The following GPC6 variants were observed in gnomAD, a reference collection of about 807,000 sequenced individuals.
GPC6 encodes the protein glypican-6.
A neutral mutation model predicts 55.2 loss-of-function variants in GPC6; 14 were observed. That is an observed-to-expected ratio of 0.25 (90% CI 0.17 to 0.40). GPC6 has a LOEUF of 0.40. GPC6 is among the 10% of genes least tolerant of loss of function. GPC6 has a pLI of 1.00. For synonymous variants in GPC6, 278 were observed against 259.6 expected (o/e 1.07, Z -0.68); for missense variants, 641 against 708.5 (o/e 0.90, Z 1.08).
intron 2 of GPC6, among the ~76,000 whole-genome samples, chr13:93,718,487 T>C (rs913802478): frequency 6.6e-6 from 1 of 152,120 alleles, no homozygotes; most frequent in African/African-American, 2.4e-5. Flanking sequence ...TTAAGTTCCC[T>C]GTAGATTCTG....
chr13:93,494,887 A>G (rs1402484505), intron 1 of GPC6, among the ~76,000 whole-genome samples: 3 of 148,946 alleles, frequency 2.0e-5, no homozygotes, highest in African/African-American at 7.5e-5. Context: ...TTCTGCCGAG[A>G]GATCCGCTGT....
At chr13:94,318,182 A>G (rs531050896) in intron 6 of GPC6, among the ~76,000 whole-genome samples, 2 of 152,130 alleles carry the variant, frequency 1.3e-5, no homozygotes, top group South Asian at 2.1e-4. Flanking sequence ...AATCTTATGT[A>G]TTTTTACTGA....
rs1462491317 is a variant in GPC6, at chr13:93,962,202, A to G, written c.712-65527A>G. On this transcript the variant is annotated intron_variant, in intron 3 of 8. Transcript: ENST00000377047. ...TTGTAAATTCCATTTCACCTAAAAT[A>G]GTAGCAGGGCTGACAGTCCAACTTC... 2.0e-5 allele frequency among the ~76,000 whole-genome samples: 3 copies of G among 152,336 alleles called. No individual in the cohort carries two copies. In the East Asian group the frequency reaches 5.8e-4, roughly 29 times the overall value.
chr13:93,529,410 G>T (rs745904911), intron 1 of GPC6, among the ~76,000 whole-genome samples: 3 of 152,032 alleles, frequency 2.0e-5, no homozygotes, highest in South Asian at 2.1e-4. Flanking sequence ...AAGAATAGGT[G>T]GGTGGATGTC....
At chr13:93,325,732 A>C (rs914965646) in intron 1 of GPC6, among the ~76,000 whole-genome samples, 4 of 151,978 alleles carry the variant, frequency 2.6e-5, no homozygotes, top group Non-Finnish European at 4.4e-5. Context: ...AAGAAAAAAG[A>C]AAGAGAGAAA....
chr13:93,978,046 C>T (rs747405042), intron 3 of GPC6, among the ~76,000 whole-genome samples: 1 of 152,112 alleles, frequency 6.6e-6, no homozygotes, highest in Non-Finnish European at 1.5e-5. Flanking sequence ...CTCAGTGTAA[C>T]CACAAGAGTC....
chr13:93,787,799 C>T (rs1027628729), intron 2 of GPC6, among the ~76,000 whole-genome samples: 1 of 139,800 alleles, frequency 7.2e-6, no homozygotes, highest in Admixed American at 7.1e-5. Context: ...ATATTTGTAC[C>T]TGTTAAACAA....
intron 6 of GPC6, among the ~76,000 whole-genome samples, chr13:94,341,975 G>A (rs1233586895): frequency 2.0e-5 from 3 of 152,194 alleles, no homozygotes; most frequent in East Asian, 1.9e-4. Context: ...AGTTAAAGGT[G>A]TACCATAAAA....
chr13:93,687,048 A>G (rs1464924729), intron 2 of GPC6, among the ~76,000 whole-genome samples: 1 of 152,012 alleles, frequency 6.6e-6, no homozygotes, highest in Non-Finnish European at 1.5e-5. Context: ...ATTTGTGATT[A>G]TGTAATTAAT....
chr13:93,295,437 A>G (rs1314061064), intron 1 of GPC6, among the ~76,000 whole-genome samples: 1 of 151,994 alleles, frequency 6.6e-6, no homozygotes, highest in Non-Finnish European at 1.5e-5. Flanking sequence ...AAGAGATCGA[A>G]AAAGCAAGTT....
rs534004636 is a variant in GPC6 at position 93,980,839 on chromosome 13, C to T, written c.712-46890C>T. Among the ~76,000 whole-genome samples the T allele has an allele frequency of 1.2e-3, 179 of 152,200 alleles. 1 individual carries two copies. The highest frequency in any genetic ancestry group is 4.2e-3 in the African/African-American group (175 of 41,516). ...TTATAGGATAAGGCTGAAACCATAT[C>T]TGTGCTGGCCCCATCCCTTCCCTTT... is the stretch of plus-strand genomic sequence containing the variant. On this transcript the variant is annotated intron_variant, in intron 3 of 8. Transcript: ENST00000377047.
intron 3 of GPC6, among the ~76,000 whole-genome samples, chr13:93,956,095 A>G (rs1391051809): frequency 6.6e-6 from 1 of 152,078 alleles, no homozygotes; most frequent in Non-Finnish European, 1.5e-5. Flanking sequence ...GCAAATATAC[A>G]GCTCCCCTTT....
chr13:93,538,920 AC>A (rs1882172438), intron 1 of GPC6, among the ~76,000 whole-genome samples: 1 of 143,672 alleles, frequency 7.0e-6, no homozygotes, highest in African/African-American at 2.6e-5. Flanking sequence ...ATCATTTATT[AC>A]AATATTCTTT....
intron 4 of GPC6, among the ~76,000 whole-genome samples, chr13:94,232,883 A>AT (rs1389893660): frequency 6.6e-6 from 1 of 152,064 alleles, no homozygotes; most frequent in African/African-American, 2.4e-5. Flanking sequence ...GGCCAAAAGA[A>AT]TAAGTCAGGC....
chr13:94,177,681 C>T (rs1888830308), intron 4 of GPC6, among the ~76,000 whole-genome samples: 1 of 151,976 alleles, frequency 6.6e-6, no homozygotes, highest in Non-Finnish European at 1.5e-5. Flanking sequence ...CATATAAGGC[C>T]TTCGGGAAGC....
intron 2 of GPC6, among the ~76,000 whole-genome samples, chr13:93,792,057 A>T (rs1419145675): frequency 1.3e-5 from 2 of 152,240 alleles, no homozygotes; most frequent in African/African-American, 4.8e-5. Flanking sequence ...CAGTCTTTTT[A>T]AAAAATAATT....
At chr13:93,729,728 C>T (rs922735430) in intron 2 of GPC6, among the ~76,000 whole-genome samples, 1 of 152,148 alleles carries the variant, frequency 6.6e-6, no homozygotes, top group Non-Finnish European at 1.5e-5. Context: ...ATATACTCAA[C>T]ATAAATGCTT....
intron 1 of GPC6, among the ~76,000 whole-genome samples, chr13:93,508,613 C>G (rs1880823900): frequency 6.6e-6 from 1 of 152,210 alleles, no homozygotes; most frequent in South Asian, 2.1e-4. Flanking sequence ...ACTCAGGCTA[C>G]TGTGCTGAGA....
intron 4 of GPC6, among the ~76,000 whole-genome samples, chr13:94,029,798 C>T (rs181150735): frequency 7.2e-5 from 11 of 152,286 alleles, no homozygotes; most frequent in Admixed American, 6.5e-4. Flanking sequence ...TCAGTGCTTA[C>T]TGGCTGTTTT....
Sources: allele counts gnomAD v4.1 joint callset (sites outside exome capture counted in the v4.1 genomes callset), GRCh38; gene constraint gnomAD v4.1.1; transcripts MANE v1.5; gene names NCBI Gene and HGNC (gene_info 2026-07-23, HGNC 2026-07-21).